The following MKLN1 variants were observed in gnomAD, a reference collection of about 807,000 sequenced individuals.
MKLN1 encodes the protein muskelin.
Under a neutral mutation model 99.0 loss-of-function variants are expected in MKLN1, and 18 were observed. The observed-to-expected ratio is 0.18, with a 90% CI of 0.13 to 0.27. The LOEUF (loss-of-function observed/expected upper bound fraction) is 0.27. MKLN1 is among the 10% of genes least tolerant of loss of function. The probability of loss-of-function intolerance (pLI) is 1.00; values close to 1 mark genes in which losing one functional copy is unlikely to be tolerated. For synonymous variants in MKLN1, 288 were observed against 293.2 expected (o/e 0.98, Z 0.18); for missense variants, 621 against 875.9 (o/e 0.71, Z 3.67).
chr7:131,133,886 A>G (rs1360634992), intron 1 of MKLN1, among the ~76,000 whole-genome samples: 1 of 122,740 alleles, frequency 8.1e-6, no homozygotes, highest in African/African-American at 3.1e-5. Context: ...CTGGAGCACA[A>G]TGGTGCAATC....
At chr7:131,347,753 A>G (rs1015254795) in intron 1 of MKLN1, among the ~76,000 whole-genome samples, 1 of 152,212 alleles carries the variant, frequency 6.6e-6, no homozygotes, top group East Asian at 1.9e-4. Flanking sequence ...TAAATCTAGT[A>G]TCTGAAGTTT....
intron 6 of MKLN1, among the ~76,000 whole-genome samples, chr7:131,400,749 C>G (rs1350892914): frequency 6.6e-6 from 1 of 151,830 alleles, no homozygotes; most frequent in Non-Finnish European, 1.5e-5. Context: ...TCTTTAGTGA[C>G]GTACTCAGTT....
At chr7:131,294,928 C>T (rs1347588479) in intron 3 of MKLN1, among the ~76,000 whole-genome samples, 7 of 152,148 alleles carry the variant, frequency 4.6e-5, no homozygotes, top group Non-Finnish European at 5.9e-5. Flanking sequence ...CAAACCATCT[C>T]GTGAGGCTAG....
intron 3 of MKLN1, among the ~76,000 whole-genome samples, chr7:131,234,486 G>T (rs1797287570): frequency 6.6e-6 from 1 of 152,174 alleles, no homozygotes; most frequent in Non-Finnish European, 1.5e-5. Context: ...ATTGCCAGGG[G>T]TCTCAAGTAC....
intron 15 of MKLN1, 47 bp from the exon 16 acceptor site, chr7:131,470,795 A>G (rs1395702864): frequency 2.5e-6 from 3 of 1,218,718 alleles, no homozygotes; most frequent in Non-Finnish European, 3.6e-6. Flanking sequence ...GACATTTCTG[A>G]TATTTTCTCA....
At chr7:131,332,033 CAT>C (rs1226998705) in intron 1 of MKLN1, among the ~76,000 whole-genome samples, 3 of 152,062 alleles carry the variant, frequency 2.0e-5, no homozygotes, top group African/African-American at 7.2e-5. Context: ...CTTGTGTCAA[CAT>C]GTGATTGATT....
chr7:131,348,304 G>A (rs1230415932), intron 1 of MKLN1, among the ~76,000 whole-genome samples: 17 of 152,080 alleles, frequency 1.1e-4, no homozygotes, highest in Admixed American at 9.8e-4. Context: ...ATATATATAT[G>A]GAAATGAGTT....
intron 3 of MKLN1, among the ~76,000 whole-genome samples, chr7:131,318,947 T>C (rs894668551): frequency 1.3e-5 from 2 of 152,136 alleles, no homozygotes; most frequent in Non-Finnish European, 2.9e-5. Flanking sequence ...ATTGAGGCAG[T>C]AGTTAATAGC....
At chr7:131,146,501 T>G (rs550686485) in intron 2 of MKLN1, among the ~76,000 whole-genome samples, 1 of 152,360 alleles carries the variant, frequency 6.6e-6, no homozygotes, top group South Asian at 2.1e-4. Flanking sequence ...TCCCTCTATA[T>G]GTAATATGCA....
chr7:131,121,638 C>CAAAAAAAAAAAAAAAAAAAAAAAAAAAAA (rs55908773), intron 1 of MKLN1, among the ~76,000 whole-genome samples: 2 of 72,820 alleles, frequency 2.7e-5, no homozygotes, highest in East Asian at 3.5e-4. Context: ...GACTCCGTCT[C>CAAAAAAAAAAAAAAAAAAAAAAAAAAAAA]AAAAAAAAAA....
intron 16 of MKLN1, among the ~76,000 whole-genome samples, chr7:131,477,383 CA>C (rs5887507): frequency 7.4e-4 from 103 of 139,364 alleles, no homozygotes; most frequent in Middle Eastern, 3.8e-3. Flanking sequence ...TCGTCTCTAC[CA>C]AAAAAAAAAA....
At chr7:131,139,403 C>T (rs1336795911) in intron 1 of MKLN1, among the ~76,000 whole-genome samples, 1 of 151,940 alleles carries the variant, frequency 6.6e-6, no homozygotes, top group African/African-American at 2.4e-5. Context: ...GACTCACCTT[C>T]GCTCCCCAGG....
chr7:131,478,346 C>T (rs1797021961), intron 16 of MKLN1: 3 of 326,968 alleles, frequency 9.2e-6, no homozygotes, highest in Non-Finnish European at 1.1e-5. Context: ...GCTGTTGTTC[C>T]TTAATAAGTA....
At chr7:131,209,655 C>T in intron 3 of MKLN1, among the ~76,000 whole-genome samples, 1 of 152,164 alleles carries the variant, frequency 6.6e-6, no homozygotes, top group East Asian at 1.9e-4. Context: ...GCTAACACAG[C>T]CCTGACTTTG....
chr7:131,357,423 C>G (rs1438489726), intron 1 of MKLN1, among the ~76,000 whole-genome samples: 1 of 152,248 alleles, frequency 6.6e-6, no homozygotes, highest in East Asian at 1.9e-4. Flanking sequence ...CTTTTGCATA[C>G]TGTACTTTGG....
chr7:131,415,018 A>G (rs1257335042), intron 8 of MKLN1, among the ~76,000 whole-genome samples: 1 of 152,150 alleles, frequency 6.6e-6, no homozygotes, highest in African/African-American at 2.4e-5. Context: ...GAGGAAGCAG[A>G]TATCAAATTA....
At chr7:131,146,096 A>G (rs939941407) in intron 2 of MKLN1, among the ~76,000 whole-genome samples, 1 of 152,216 alleles carries the variant, frequency 6.6e-6, no homozygotes, top group African/African-American at 2.4e-5. Context: ...GGGATTAAGC[A>G]ATTTGCCCAA....
chr7:131,280,112 C>T (rs1158662327), intron 3 of MKLN1, among the ~76,000 whole-genome samples: 2 of 152,162 alleles, frequency 1.3e-5, no homozygotes, highest in Non-Finnish European at 2.9e-5. Context: ...CCAGGTTCAT[C>T]CATGTTGTAG....
intron 1 of MKLN1, among the ~76,000 whole-genome samples, chr7:131,342,415 AC>A (rs1799435534): frequency 6.6e-6 from 1 of 152,014 alleles, no homozygotes; most frequent in African/African-American, 2.4e-5. Context: ...ACATAGGTAC[AC>A]ATATAATACT....
Sources: gnomAD v4.1 joint callset for allele counts (sites outside exome capture counted in the v4.1 genomes callset) on GRCh38, gnomAD v4.1.1 for gene constraint, MANE v1.5 for transcripts, NCBI Gene and HGNC (gene_info 2026-07-23, HGNC 2026-07-21) for gene names.